LMO1: variants seen among roughly 807,000 people sequenced by gnomAD.
LMO1 encodes rhombotin-1.
LMO1 carries 10 observed loss-of-function variants against 18.0 expected under a neutral mutation model. The observed-to-expected ratio is 0.55, with a 90% CI of 0.34 to 0.94. The LOEUF (loss-of-function observed/expected upper bound fraction) is 0.94, where lower values mean the gene tolerates loss of function less well. LMO1 is among the 40% of genes least tolerant of loss of function. LMO1 has a pLI of 0.02. For missense variants in LMO1, 183 were observed against 205.7 expected (o/e 0.89, Z 0.68); for synonymous variants, 77 against 77.9 (o/e 0.99, Z 0.06).
At chr11:8,226,532 T>G (rs953898389) in intron 3 of LMO1, among the ~76,000 whole-genome samples, 5 of 152,020 alleles carry the variant, frequency 3.3e-5, no homozygotes, top group Non-Finnish European at 7.4e-5. Context: ...AAATAAAATA[T>G]GTATACACAC....
At chr11:8,236,506 C>T (rs1052457432) in intron 1 of LMO1, among the ~76,000 whole-genome samples, 6 of 151,982 alleles carry the variant, frequency 3.9e-5, no homozygotes, top group African/African-American at 1.5e-4. Context: ...GGCCTGTGAA[C>T]CCTGGCAGTC....
rs115123666 is a variant in LMO1, at chr11:8,227,074, G to A, written c.266C>T (p.Ala89Val). 6.2e-7 allele frequency: 1 copy of A among 1,613,858 alleles called. No individual in the cohort carries two copies. Among genetic ancestry groups the A allele is most frequent in the African/African-American group, 1.3e-5 (1 of 75,074 alleles). The change falls in exon 3 of 4, where the codon GCT becomes GTT. Residue 89 changes from alanine (A) to valine (V), a missense_variant. Coordinates refer to ENST00000335790, the MANE Select transcript of LMO1 (RefSeq NM_002315.3). ...LRLFGTTGNC[A>V]ACSKLIPAFE... ...GGCTGGGATCAGCTTGCTGCAAGCA[G>A]CACAGTTCCCTGTGGTGCCAAAGAG...
chr11:8,253,823 G>A (rs1182578844), intron 1 of LMO1, among the ~76,000 whole-genome samples: 1 of 152,030 alleles, frequency 6.6e-6, no homozygotes, highest in African/African-American at 2.4e-5. Context: ...CCGAGACTCA[G>A]AGAAGAGGGG....
chr11:8,264,300 C>T (rs752357512), upstream of LMO1, among the ~76,000 whole-genome samples: 3 of 152,194 alleles, frequency 2.0e-5, no homozygotes, highest in Non-Finnish European at 2.9e-5. Context: ...CTCCATGGAG[C>T]GGGAGAGCTT....
chr11:8,240,383 TC>T, intron 1 of LMO1, among the ~76,000 whole-genome samples: 1 of 152,144 alleles, frequency 6.6e-6, no homozygotes, highest in African/African-American at 2.4e-5. Context: ...TTTCCACACA[TC>T]CCCCACAGAT....
Position 8,263,458 on chromosome 11 carries a change from T to C in LMO1, c.-96A>G. 3.9e-6 allele frequency: 6 copies of C among 1,552,760 alleles called. No homozygotes were observed. Among genetic ancestry groups the C allele is most frequent in the Non-Finnish European group, 5.2e-6 (6 of 1,157,680 alleles). Reference sequence around the variant, plus strand: ...GAGGGGCGGCCGGTCTTCGGGCAGCTAGCGGGCTCTAATTACCCGCTTGTC... The same window carrying C: ...GAGGGGCGGCCGGTCTTCGGGCAGCCAGCGGGCTCTAATTACCCGCTTGTC... On this transcript the variant is annotated 5_prime_UTR_variant, in exon 1 of 4. Coordinates refer to ENST00000335790, the MANE Select transcript of LMO1 (RefSeq NM_002315.3).
chr11:8,267,371 A>G (rs1565191358), upstream of LMO1, among the ~76,000 whole-genome samples: 1 of 152,222 alleles, frequency 6.6e-6, no homozygotes, highest in Non-Finnish European at 1.5e-5. Context: ...GGGTCAAGGG[A>G]CTAGCTGGGC....
Position 8,230,512 on chromosome 11 carries a change from C to T in LMO1, c.26-8G>A, listed in dbSNP as rs772341245. 34 of 1,609,490 alleles carry T rather than the reference C, an allele frequency of 2.1e-5. No individual in the cohort carries two copies. Among genetic ancestry groups the T allele is most frequent in the South Asian group, 6.6e-5 (6 of 91,068 alleles). ...CGGAGAGCATCGGCACGCCTGCAGA[C>T]GGACAGACAGACAGCAACGCAGGAT... On this transcript the variant is annotated splice_polypyrimidine_tract_variant and splice_region_variant and intron_variant, in intron 1 of 3. Coordinates refer to ENST00000335790, the MANE Select transcript of LMO1 (RefSeq NM_002315.3).
chr11:8,252,015 TGA>T (rs1343669500), intron 1 of LMO1, among the ~76,000 whole-genome samples: 2 of 151,822 alleles, frequency 1.3e-5, no homozygotes, highest in African/African-American at 2.4e-5. Context: ...TGAATGTGTG[TGA>T]GTGTGTGTGT....
At position 8,255,971 on chromosome 11, in the gene LMO1, G is replaced by A. The variant is rs553113570; in HGVS notation, c.25+7367C>T. On this transcript the variant is annotated intron_variant, in intron 1 of 3. Coordinates refer to ENST00000335790, the MANE Select transcript of LMO1 (RefSeq NM_002315.3). ...CTCCTGAGTAGCTGGGACTACAGGC[G>A]CCCGCCACCACGCCCGGCTAATTTT... is the stretch of plus-strand genomic sequence containing the variant. 5.1e-4 allele frequency among the ~76,000 whole-genome samples: 78 copies of A among 151,882 alleles called. 1 individual carries two copies. Among genetic ancestry groups the A allele is most frequent in the African/African-American group, 1.7e-3 (69 of 41,466 alleles).
chr11:8,225,473 T>C (rs4315061), intron 3 of LMO1, among the ~76,000 whole-genome samples: 64,507 of 149,054 alleles, frequency 0.43, 15,036 homozygotes, highest in South Asian at 0.68. Flanking sequence ...ATGGTTGTTT[T>C]TTCCATCCGT....
intron 1 of LMO1, among the ~76,000 whole-genome samples, chr11:8,243,148 T>A (rs1370204113): frequency 6.6e-6 from 1 of 152,108 alleles, no homozygotes; most frequent in African/African-American, 2.4e-5. Context: ...CAGCACTGCC[T>A]CTGGGATGCC....
chr11:8,260,911 G>C (rs575222415), intron 1 of LMO1, among the ~76,000 whole-genome samples: 1 of 152,300 alleles, frequency 6.6e-6, no homozygotes, highest in Admixed American at 6.5e-5. Flanking sequence ...CTGCCACCCA[G>C]TTCAGATAGC....
At chr11:8,254,554 T>C (rs1416391297) in intron 1 of LMO1, among the ~76,000 whole-genome samples, 1 of 148,560 alleles carries the variant, frequency 6.7e-6, no homozygotes, top group African/African-American at 2.4e-5. Flanking sequence ...AGCCGTCTAG[T>C]GGCTTTGCAG....
chr11:8,224,324 T>G lies in LMO1; in HGVS notation c.*292A>C. On this transcript the variant is annotated 3_prime_UTR_variant, in exon 4 of 4. Coordinates refer to ENST00000335790, the MANE Select transcript of LMO1 (RefSeq NM_002315.3). ...CAGAGTAACCTCCCGGAAACATTCA[T>G]AAGTTTAATCCACGCCAGTAATAAA... is the stretch of plus-strand genomic sequence containing the variant. 2.4e-6 allele frequency: 1 copy of G among 415,478 alleles called. No homozygotes were observed. The highest frequency in any genetic ancestry group is 4.4e-6 in the Non-Finnish European group (1 of 227,268). 25.7% of individuals were successfully genotyped at this position (415,478 alleles called of 1,614,324 possible).
intron 1 of LMO1, among the ~76,000 whole-genome samples, chr11:8,243,013 C>T (rs3794015): frequency 0.42 from 63,152 of 152,146 alleles, 14,150 homozygotes; most frequent in African/African-American, 0.58. Context: ...TTCTTGAAGC[C>T]GCCAGAGCCC....
At chr11:8,266,278 C>T (rs1466512188), upstream of LMO1, among the ~76,000 whole-genome samples, 1 of 152,158 alleles carries the variant, frequency 6.6e-6, no homozygotes, top group Non-Finnish European at 1.5e-5. Context: ...GCTGGGTTGA[C>T]AGAGGCAGAT....
chr11:8,263,971 G>A, upstream of LMO1: 1 of 706,696 alleles, frequency 1.4e-6, no homozygotes, highest in Non-Finnish European at 1.8e-6. Flanking sequence ...ACGGCTGTCC[G>A]GCTCCGCAGC....
intron 1 of LMO1, among the ~76,000 whole-genome samples, chr11:8,250,927 T>C (rs1169717366): frequency 6.6e-6 from 1 of 152,164 alleles, no homozygotes; most frequent in Non-Finnish European, 1.5e-5. Context: ...AGGGGTCCCC[T>C]CTACCTCCTA....
Sources: allele counts gnomAD v4.1 joint callset (sites outside exome capture counted in the v4.1 genomes callset), GRCh38; gene constraint gnomAD v4.1.1; transcripts MANE v1.5; gene names NCBI Gene and HGNC (gene_info 2026-07-23, HGNC 2026-07-21).